SLC5A10: variants seen among roughly 807,000 people sequenced by gnomAD.
SLC5A10 encodes the protein sodium/mannose cotransporter SLC5A10.
SLC5A10 carries 55 observed loss-of-function variants against 68.9 expected under a neutral mutation model. The observed-to-expected ratio is 0.80, with a 90% CI of 0.64 to 1.00. SLC5A10 has a LOEUF of 1.00. SLC5A10 is among the 50% of genes least tolerant of loss of function. The pLI is 0.00. For missense variants in SLC5A10, 732 were observed against 819.3 expected (o/e 0.89, Z 1.30); for synonymous variants, 344 against 344.8 (o/e 1.00, Z 0.02).
chr17:18,984,521 G>A (rs1034021415), intron 9 of SLC5A10, among the ~76,000 whole-genome samples: 4 of 152,318 alleles, frequency 2.6e-5, no homozygotes, highest in East Asian at 1.9e-4. Flanking sequence ...CTTCCTCACC[G>A]TGTGCCTTCC....
intron 4 of SLC5A10, among the ~76,000 whole-genome samples, 170 bp downstream of exon 4, chr17:18,959,833 C>T (rs1224049238): frequency 6.6e-6 from 1 of 151,320 alleles, no homozygotes; most frequent in Non-Finnish European, 1.5e-5. Context: ...TGGATCCCGA[C>T]TAATATTTCT....
intron 7 of SLC5A10, 199 bp downstream of exon 7, chr17:18,969,621 GC>G: frequency 1.9e-6 from 1 of 536,670 alleles, no homozygotes; most frequent in Non-Finnish European, 3.3e-6. Context: ...GCTGGTAGAG[GC>G]TACCCACCCT....
intron 9 of SLC5A10, among the ~76,000 whole-genome samples, chr17:18,980,545 C>T (rs2043105167): frequency 6.6e-6 from 1 of 152,162 alleles, no homozygotes; most frequent in Non-Finnish European, 1.5e-5. Context: ...AGTGTGGAGT[C>T]TCTGGAGCTG....
chr17:18,960,492 T>G, intron 4 of SLC5A10, 56 bp from the exon 5 acceptor site: 1 of 1,494,038 alleles, frequency 6.7e-7, no homozygotes, highest in Non-Finnish European at 9.3e-7. Flanking sequence ...AGGCCCTGCC[T>G]GGAGCCCTGG....
intron 9 of SLC5A10, among the ~76,000 whole-genome samples, chr17:18,997,838 A>G (rs2043605727): frequency 6.6e-6 from 1 of 152,176 alleles, no homozygotes; most frequent in South Asian, 2.1e-4. Context: ...TCTGGCATCT[A>G]CCGATGCCAG....
chr17:18,959,005 G>T, intron 2 of SLC5A10, 130 bp from the exon 3 acceptor site: 1 of 887,892 alleles, frequency 1.1e-6, no homozygotes. Context: ...CACACACCCT[G>T]GGCTCCTCAT....
intron 5 of SLC5A10, among the ~76,000 whole-genome samples, chr17:18,966,765 A>C (rs980783180): frequency 2.6e-5 from 4 of 151,260 alleles, no homozygotes; most frequent in Non-Finnish European, 5.9e-5. Flanking sequence ...AAAAAAAAAA[A>C]ACAACACTCT....
intron 1 of SLC5A10, chr17:18,952,575 G>A (rs1762356163): frequency 2.6e-6 from 1 of 390,732 alleles, no homozygotes; most frequent in Non-Finnish European, 4.7e-6. Flanking sequence ...GGGCTTTTGT[G>A]CTGCTGCCCA....
chr17:18,979,520 C>T (rs926976979), intron 9 of SLC5A10: 3 of 1,610,992 alleles, frequency 1.9e-6, no homozygotes, highest in South Asian at 1.1e-5. Flanking sequence ...GTACCTCTCG[C>T]ACAACTTCCC....
chr17:18,960,443 G>A, intron 4 of SLC5A10, 105 bp from the exon 5 acceptor site: 3 of 1,002,194 alleles, frequency 3.0e-6, no homozygotes, highest in East Asian at 2.5e-5. Context: ...GAGGCTCGCA[G>A]CTGCTTTGTG....
intron 9 of SLC5A10, among the ~76,000 whole-genome samples, chr17:19,002,857 T>G (rs746837518): frequency 2.7e-5 from 4 of 150,598 alleles, no homozygotes; most frequent in Non-Finnish European, 6.0e-5. Context: ...TGAGGTCCCT[T>G]CCGGTGGCAA....
chr17:18,953,261 T>C (rs2042413100), intron 1 of SLC5A10, among the ~76,000 whole-genome samples: 1 of 151,128 alleles, frequency 6.6e-6, no homozygotes, highest in Non-Finnish European at 1.5e-5. Context: ...GCCTCCTGAG[T>C]AGCTGGGATT....
chr17:18,988,459 G>C (rs554281886), intron 9 of SLC5A10: 33 of 1,600,830 alleles, frequency 2.1e-5, no homozygotes, highest in Admixed American at 3.3e-5. Context: ...CAGTGCAGCA[G>C]TGGGGACAGG....
At chr17:18,977,908 G>A (rs368737975) in intron 9 of SLC5A10, 2 of 1,610,320 alleles carry the variant, frequency 1.2e-6, no homozygotes, top group East Asian at 2.2e-5. Context: ...GGGTTACGTA[G>A]TCGTCATCAT....
rs746942438 is a variant in SLC5A10, at chr17:19,019,703, T to A, written c.1411-10T>A. 14 of 1,607,444 alleles carry A rather than the reference T, an allele frequency of 8.7e-6. No homozygotes were observed. Among genetic ancestry groups the A allele is most frequent in the African/African-American group, 1.3e-5 (1 of 74,842 alleles). On this transcript the variant is annotated splice_polypyrimidine_tract_variant and intron_variant, in intron 12 of 14. Coordinates refer to ENST00000395645, the MANE Select transcript of SLC5A10 (RefSeq NM_001042450.4). ...CGTAGCCCCACATGCCCTGCCTCCC[T>A]CCTCCCCAGGGGGCCTTCTGGGGCC... is the stretch of plus-strand genomic sequence containing the variant.
intron 9 of SLC5A10, among the ~76,000 whole-genome samples, chr17:18,993,640 C>G (rs965776547): frequency 2.0e-5 from 3 of 152,268 alleles, no homozygotes; most frequent in African/African-American, 7.2e-5. Flanking sequence ...ACTGCACACA[C>G]TGCAGACAAG....
At position 18,977,226 on chromosome 17, in the gene SLC5A10, C is replaced by T. The variant is rs114057352; in HGVS notation, c.982+237C>T. On this transcript the variant is annotated intron_variant, in intron 9 of 14. Transcript: ENST00000395645. ...GTGTGACCTCAAGGCTGTAAATGAA[C>T]GTCCCTGTGCCCCGCCTTTTCCTCA... 3.0e-3 allele frequency: 1,838 copies of T among 614,860 alleles called. 22 individuals carry two copies. The highest frequency in any genetic ancestry group is 0.028 in the African/African-American group (1,542 of 54,144). 38.1% of individuals were successfully genotyped at this position (614,860 alleles called of 1,614,324 possible). A position where few individuals can be genotyped will look rare whatever the true frequency, so the allele number is the denominator to read the frequency against.
chr17:18,980,064 T>C (rs2043090646), intron 9 of SLC5A10, among the ~76,000 whole-genome samples: 1 of 152,186 alleles, frequency 6.6e-6, no homozygotes, highest in South Asian at 2.1e-4. Flanking sequence ...GCACACGTTT[T>C]AGAAGTGTCT....
intron 9 of SLC5A10, among the ~76,000 whole-genome samples, chr17:19,008,434 G>A (rs1567810348): frequency 6.6e-6 from 1 of 151,574 alleles, no homozygotes; most frequent in South Asian, 2.1e-4. Flanking sequence ...TAGATTGAGG[G>A]TAGGTTTTTG....
Sources: allele counts gnomAD v4.1 joint callset (sites outside exome capture counted in the v4.1 genomes callset), GRCh38; gene constraint gnomAD v4.1.1; transcripts MANE v1.5; gene names NCBI Gene and HGNC (gene_info 2026-07-23, HGNC 2026-07-21).